The following ENPEP variants were observed in gnomAD, a reference collection of about 807,000 sequenced individuals.
ENPEP encodes the protein AP-A.
In ENPEP, 103 loss-of-function variants were observed where a neutral mutation model predicts 114.5. That is an observed-to-expected ratio of 0.90 (90% CI 0.77 to 1.06). ENPEP has a LOEUF of 1.06. Among genes scored for constraint, ENPEP ranks in the 50% least tolerant of loss-of-function variants. ENPEP has a pLI of 0.00. For synonymous variants in ENPEP, 420 were observed against 422.0 expected (o/e 1.00, Z 0.06); for missense variants, 1,196 against 1,161.3 (o/e 1.03, Z -0.43).
intron 10 of ENPEP, among the ~76,000 whole-genome samples, chr4:110,521,414 A>C (rs1725984799): frequency 6.6e-6 from 1 of 151,382 alleles, no homozygotes; most frequent in South Asian, 2.1e-4. Flanking sequence ...AAATAATTAT[A>C]TATATACACA....
Position 110,516,039 on chromosome 4 carries a change from T to C in ENPEP, c.1509+597T>C, listed in dbSNP as rs1725756211. On this transcript the variant is annotated intron_variant, in intron 8 of 19. Coordinates refer to ENST00000265162, the MANE Select transcript of ENPEP (RefSeq NM_001977.4). ...CTATCACACTGGGGGTTAGGGCTTA[T>C]ATGAATTTCAGGGAATACGATTCTT... is the stretch of plus-strand genomic sequence containing the variant. 2.0e-5 allele frequency among the ~76,000 whole-genome samples: 3 copies of C among 152,324 alleles called. No homozygotes were observed. In the South Asian group the frequency reaches 6.2e-4, roughly 32 times the overall value.
At chr4:110,511,389 C>A (rs1003516497) in intron 6 of ENPEP, among the ~76,000 whole-genome samples, 1 of 151,966 alleles carries the variant, frequency 6.6e-6, no homozygotes, top group Non-Finnish European at 1.5e-5. Flanking sequence ...ATGCCAGTAA[C>A]CTGCCAGCCC....
chr4:110,527,774 A>G (rs1433835164), intron 10 of ENPEP, among the ~76,000 whole-genome samples: 1 of 152,218 alleles, frequency 6.6e-6, no homozygotes, highest in Non-Finnish European at 1.5e-5. Context: ...TTGAGAAATA[A>G]ACTTACACTG....
intron 3 of ENPEP, among the ~76,000 whole-genome samples, chr4:110,492,745 CG>C (rs1428950811): frequency 6.6e-6 from 1 of 152,100 alleles, no homozygotes; most frequent in Non-Finnish European, 1.5e-5. Flanking sequence ...TGAGTGCAGT[CG>C]ATGGCATTCC....
At chr4:110,544,863 C>T (rs967041622) in intron 13 of ENPEP, among the ~76,000 whole-genome samples, 38 of 152,124 alleles carry the variant, frequency 2.5e-4, no homozygotes, top group African/African-American at 8.9e-4. Flanking sequence ...TCCTTGGCCA[C>T]AGCCCCATAA....
At chr4:110,480,383 A>G (rs1456751430) in intron 1 of ENPEP, among the ~76,000 whole-genome samples, 1 of 152,148 alleles carries the variant, frequency 6.6e-6, no homozygotes, top group Admixed American at 6.6e-5. Context: ...TCTCATCCAC[A>G]GGCTCCATAT....
chr4:110,499,626 G>A (rs142759931), intron 3 of ENPEP, among the ~76,000 whole-genome samples: 1 of 152,250 alleles, frequency 6.6e-6, no homozygotes, highest in Non-Finnish European at 1.5e-5. Flanking sequence ...ACTACAGTGG[G>A]ATTTGGGGCA....
In ENPEP at chr4:110,553,498, A is replaced by G. The variant is rs1560571349; in HGVS notation, c.2642+43A>G. On this transcript the variant is annotated intron_variant, in intron 18 of 19. Transcript: ENST00000265162. ...TGGTCTGCTGTTTTCTTTGTTTCAT[A>G]CTATCTACTGGTTCCTTCATTTTTC... 4 of 1,580,446 alleles carry G rather than the reference A, an allele frequency of 2.5e-6. 1 individual carries two copies. Among genetic ancestry groups the G allele is most frequent in the South Asian group, 2.3e-5 (2 of 85,188 alleles).
intron 10 of ENPEP, among the ~76,000 whole-genome samples, chr4:110,525,675 G>T (rs939530994): frequency 1.3e-5 from 2 of 151,736 alleles, no homozygotes; most frequent in Non-Finnish European, 2.9e-5. Flanking sequence ...ACTCTAAACT[G>T]GTTCCTTTAT....
chr4:110,544,977 G>A (rs1484613925), intron 13 of ENPEP, among the ~76,000 whole-genome samples: 2 of 152,080 alleles, frequency 1.3e-5, no homozygotes, highest in African/African-American at 4.8e-5. Context: ...CTATCACCTG[G>A]CTCAATGAGG....
chr4:110,521,594 A>T (rs143285355), intron 10 of ENPEP, among the ~76,000 whole-genome samples: 2,120 of 152,124 alleles, frequency 0.014, 27 homozygotes, highest in Non-Finnish European at 0.02. Context: ...CTGACTTTAT[A>T]AGATGCATAA....
At chr4:110,532,873 C>T (rs1726459897) in intron 11 of ENPEP, among the ~76,000 whole-genome samples, 1 of 151,810 alleles carries the variant, frequency 6.6e-6, no homozygotes, top group South Asian at 2.1e-4. Flanking sequence ...TGTTTCAATG[C>T]GAGGCTCTAT....
At position 110,476,467 on chromosome 4, in the gene ENPEP, A is replaced by T; in HGVS notation, c.53A>T (p.His18Leu). Residue 18 changes from histidine to leucine, a missense_variant, in exon 1 of 20, where the codon CAT (histidine) becomes CTT (leucine). His to Leu is a moderately conservative substitution (Grantham distance 99). Coordinates refer to ENST00000265162, the MANE Select transcript of ENPEP (RefSeq NM_001977.4). ...GSKRYCIQTK[H>L]VAILCAVVVG... ...AAGAGATACTGCATTCAAACGAAACATGTGGCCATTCTCTGTGCGGTGGTG... is the reference window on the plus strand; with the variant it reads ...AAGAGATACTGCATTCAAACGAAACTTGTGGCCATTCTCTGTGCGGTGGTG... 1 of 1,554,634 alleles carries T rather than the reference A, an allele frequency of 6.4e-7. No homozygotes were observed. Among genetic ancestry groups the T allele is most frequent in the Non-Finnish European group, 8.7e-7 (1 of 1,148,086 alleles).
intron 18 of ENPEP, among the ~76,000 whole-genome samples, chr4:110,557,253 G>A (rs1042378863): frequency 2.6e-5 from 4 of 152,200 alleles, no homozygotes; most frequent in African/African-American, 9.6e-5. Flanking sequence ...AGAGGCAGAT[G>A]ACTTACGGAT....
chr4:110,490,347 T>G (rs1460383147), intron 2 of ENPEP, among the ~76,000 whole-genome samples: 1 of 152,214 alleles, frequency 6.6e-6, no homozygotes, highest in Admixed American at 6.5e-5. Flanking sequence ...TCGCTTAATC[T>G]CTTTTTAAAC....
Position 110,506,775 on chromosome 4 carries a change from A to T in ENPEP, c.1039+18A>T, listed in dbSNP as rs187582731. 6.8e-6 allele frequency: 10 copies of T among 1,473,174 alleles called. No individual in the cohort carries two copies. Among genetic ancestry groups the T allele is most frequent in the Non-Finnish European group, 9.2e-6 (10 of 1,083,286 alleles). The allele number at this position is 1,473,174 out of a possible 1,614,324, so 91.3% of individuals were successfully genotyped here. A position where few individuals can be genotyped will look rare whatever the true frequency, so the allele number is the denominator to read the frequency against. On this transcript the variant is annotated intron_variant, in intron 4 of 19. Coordinates refer to ENST00000265162, the MANE Select transcript of ENPEP (RefSeq NM_001977.4). ...TAAATTAGGTGAGGATCATTTTTTA[A>T]TTTTCTTATTTTTAATATTGCCTTT...
At position 110,506,716 on chromosome 4, in the gene ENPEP, T is replaced by C. The variant is rs771236095; in HGVS notation, c.998T>C (p.Phe333Ser). 1.2e-5 allele frequency: 20 copies of C among 1,607,954 alleles called. No individual in the cohort carries two copies. The highest frequency in any genetic ancestry group is 3.3e-5 in the Admixed American group (2 of 59,872). ...ANITKSVFDY[F>S]EEYFAMNYSL... ...ATAACTAAAAGTGTGTTTGATTATT[T>C]TGAAGAATACTTTGCTATGAATTAT... The change falls in exon 4 of 20, where the codon TTT (phenylalanine) becomes TCT (serine). Residue 333 changes from phenylalanine to serine, a missense_variant. By Grantham distance (155) the Phe-to-Ser change is radical. Transcript: ENST00000265162.
At chr4:110,496,919 C>A (rs1724964054) in intron 3 of ENPEP, among the ~76,000 whole-genome samples, 1 of 152,128 alleles carries the variant, frequency 6.6e-6, no homozygotes, top group African/African-American at 2.4e-5. Flanking sequence ...TTTTTTATTC[C>A]AATCTTCTGT....
rs189504501 is a variant in ENPEP, at chr4:110,562,324, T to A, written c.*766T>A. 173 of 152,310 alleles carry A rather than the reference T, an allele frequency of 1.1e-3. No homozygotes were observed. Among genetic ancestry groups the A allele is most frequent in the African/African-American group, 4.0e-3 (167 of 41,574 alleles). The allele number at this position is 152,310 out of a possible 1,614,324, so 9.4% of individuals were successfully genotyped here. ...AGAATCTGGCCTTTTTCATGCTTGGTACTCTCTTCTCTTGCTCCATTCCTT... is the reference window on the plus strand; with the variant it reads ...AGAATCTGGCCTTTTTCATGCTTGGAACTCTCTTCTCTTGCTCCATTCCTT... On this transcript the variant is annotated 3_prime_UTR_variant, in exon 20 of 20. Transcript: ENST00000265162.
Sources: gnomAD v4.1 joint callset for allele counts (sites outside exome capture counted in the v4.1 genomes callset) on GRCh38, gnomAD v4.1.1 for gene constraint, MANE v1.5 for transcripts, NCBI Gene and HGNC (gene_info 2026-07-23, HGNC 2026-07-21) for gene names.